The following MIPEP variants were observed in gnomAD, a reference collection of about 807,000 sequenced individuals.
MIPEP encodes the protein mitochondrial intermediate peptidase.
In MIPEP, 79 loss-of-function variants were observed where a neutral mutation model predicts 90.3. That is an observed-to-expected ratio of 0.87 (90% CI 0.73 to 1.05). The LOEUF is 1.05. Among genes scored for constraint, MIPEP ranks in the 50% least tolerant of loss-of-function variants. MIPEP has a pLI of 0.00. For missense variants in MIPEP, 940 were observed against 905.6 expected (o/e 1.04, Z -0.49); for synonymous variants, 334 against 315.8 (o/e 1.06, Z -0.61).
intron 16 of MIPEP, among the ~76,000 whole-genome samples, chr13:23,773,932 T>TA (rs889121762): frequency 4.6e-5 from 7 of 152,050 alleles, no homozygotes; most frequent in Non-Finnish European, 8.8e-5. Flanking sequence ...CCCATTAAAA[T>TA]AAAAAAAATC....
In MIPEP at chr13:23,782,487, C is replaced by T. The variant is rs1952791990; in HGVS notation, c.1849-22270G>A. The stretch of plus-strand genomic sequence containing the variant: ...AGAGGGAAATTTATACCACTAAATG[C>T]CCACAAGAGAAAGCAGGAAAGATCT... On this transcript the variant is annotated intron_variant, in intron 16 of 18. Transcript: ENST00000382172. Among the ~76,000 whole-genome samples the T allele has an allele frequency of 2.0e-5, 3 of 152,164 alleles. No homozygotes were observed. The South Asian group carries it at 6.2e-4, about 32-fold the overall frequency.
At chr13:23,859,487 T>C (rs1870195936) in intron 9 of MIPEP, among the ~76,000 whole-genome samples, 1 of 152,234 alleles carries the variant, frequency 6.6e-6, no homozygotes, top group Admixed American at 6.5e-5. Flanking sequence ...GCTTGAATAC[T>C]TGAATGACTG....
At chr13:23,835,483 C>CT (rs1024333103) in intron 14 of MIPEP, among the ~76,000 whole-genome samples, 6 of 151,854 alleles carry the variant, frequency 4.0e-5, no homozygotes, top group African/African-American at 4.8e-5. Flanking sequence ...TCTTTCAGTG[C>CT]TTTTTTTTGA....
At chr13:23,730,505 C>T (rs1358585079) in intron 18 of MIPEP, 60 bp from the exon 19 acceptor site, 5 of 1,125,738 alleles carry the variant, frequency 4.4e-6, no homozygotes, top group Non-Finnish European at 6.7e-6. Context: ...AGCACAAAGA[C>T]ACAAAATCAA....
At chr13:23,827,601 G>C (rs2137438228) in intron 14 of MIPEP, among the ~76,000 whole-genome samples, 1 of 152,276 alleles carries the variant, frequency 6.6e-6, no homozygotes, top group Middle Eastern at 3.4e-3. Flanking sequence ...GTGAACACCA[G>C]CAAATAATGA....
chr13:23,786,490 A>C (rs1191278208), intron 16 of MIPEP, among the ~76,000 whole-genome samples: 2 of 152,320 alleles, frequency 1.3e-5, no homozygotes, highest in African/African-American at 4.8e-5. Context: ...AAAATCATAA[A>C]AGATGAAAGA....
chr13:23,740,179 T>G (rs9507156), intron 18 of MIPEP, among the ~76,000 whole-genome samples: 28,257 of 152,146 alleles, frequency 0.19, 3,192 homozygotes, highest in East Asian at 0.42. Context: ...ACGTCAACAG[T>G]GTGCAGGCAG....
In MIPEP at chr13:23,858,956, T is replaced by C. The variant is rs1318032414; in HGVS notation, c.1054-44A>G. ...CTGTTAAGGAAAGCTACTGACTCTT[T>C]CATAGTTTTTATCAGCAACGTGGCC... is the stretch of plus-strand genomic sequence containing the variant. On this transcript the variant is annotated intron_variant, in intron 9 of 18. Coordinates refer to ENST00000382172, the MANE Select transcript of MIPEP (RefSeq NM_005932.4). 6 of 1,556,864 alleles carry C rather than the reference T, an allele frequency of 3.9e-6. No individual in the cohort carries two copies. The East Asian group carries it at 9.0e-5, about 23-fold the overall frequency.
At chr13:23,824,053 G>C (rs1362491045) in intron 14 of MIPEP, among the ~76,000 whole-genome samples, 1 of 152,148 alleles carries the variant, frequency 6.6e-6, no homozygotes, top group African/African-American at 2.4e-5. Context: ...AAAACAAATA[G>C]CTTTCCCATT....
chr13:23,845,948 A>G (rs2137471863), intron 10 of MIPEP, among the ~76,000 whole-genome samples: 1 of 149,416 alleles, frequency 6.7e-6, no homozygotes, highest in African/African-American at 2.5e-5. Flanking sequence ...AGACGGAGTC[A>G]TGCTCTATCA....
Position 23,835,024 on chromosome 13 carries a change from C to CTTTT in MIPEP, c.1653+1212_1653+1215dup, listed in dbSNP as rs57093490. Among the ~76,000 whole-genome samples the CTTTT allele has an allele frequency of 1.9e-4, 26 of 134,800 alleles. 1 individual carries two copies. The highest frequency in any genetic ancestry group is 6.1e-4 in the Admixed American group (8 of 13,178). The allele number at this position is 134,800 out of a possible 152,430, so 88.4% of individuals were successfully genotyped here. A position where few individuals can be genotyped will look rare whatever the true frequency, so the allele number is the denominator to read the frequency against. On this transcript the variant is annotated intron_variant, in intron 14 of 18. Coordinates refer to ENST00000382172, the MANE Select transcript of MIPEP (RefSeq NM_005932.4). ...CTTATCCAGAATATCATCCATTATTCTTTTTTTTTTTTTTTTTTAACAGTC... is the reference window on the plus strand; with the variant it reads ...CTTATCCAGAATATCATCCATTATTCTTTTTTTTTTTTTTTTTTTTTTAACAGTC...
chr13:23,759,901 G>A (rs900474610), intron 17 of MIPEP, among the ~76,000 whole-genome samples, 195 bp downstream of exon 17: 6 of 152,146 alleles, frequency 3.9e-5, no homozygotes, highest in African/African-American at 1.2e-4. Flanking sequence ...CAGGGCCACC[G>A]GTCAGCTGCG....
intron 15 of MIPEP, among the ~76,000 whole-genome samples, chr13:23,806,746 A>G (rs1953114371): frequency 6.6e-6 from 1 of 150,712 alleles, no homozygotes; most frequent in Non-Finnish European, 1.5e-5. Flanking sequence ...CTATCTATCT[A>G]TCTATCTATC....
intron 2 of MIPEP, among the ~76,000 whole-genome samples, chr13:23,885,120 A>G (rs1405996073): frequency 2.0e-5 from 3 of 152,266 alleles, no homozygotes; most frequent in Non-Finnish European, 4.4e-5. Context: ...CTATTCAGCC[A>G]TAAAAAAGAA....
chr13:23,863,064 A>G (rs1373123404), intron 8 of MIPEP, among the ~76,000 whole-genome samples: 1 of 152,264 alleles, frequency 6.6e-6, no homozygotes, highest in Admixed American at 6.5e-5. Flanking sequence ...CTAGAGAAGA[A>G]TGAGTTCTAA....
At chr13:23,759,888 G>A (rs1458363078) in intron 17 of MIPEP, among the ~76,000 whole-genome samples, 2 of 152,188 alleles carry the variant, frequency 1.3e-5, no homozygotes, top group East Asian at 3.9e-4. Context: ...GTAGGGGGAT[G>A]TCCAGGGCCA....
intron 15 of MIPEP, among the ~76,000 whole-genome samples, chr13:23,806,733 T>TATCTATCTATCTATC (rs1566000384): frequency 6.7e-6 from 1 of 148,572 alleles, no homozygotes; most frequent in African/African-American, 2.6e-5. Context: ...TCTATCTATC[T>TATCTATCTATCTATC]ATCTATCTAT....
At chr13:23,854,942 C>A (rs1456230050) in intron 10 of MIPEP, among the ~76,000 whole-genome samples, 3 of 151,308 alleles carry the variant, frequency 2.0e-5, no homozygotes, top group Admixed American at 2.0e-4. Flanking sequence ...AAAATAGCAC[C>A]AAAATAAATG....
At chr13:23,853,248 C>A (rs1869886843) in intron 10 of MIPEP, among the ~76,000 whole-genome samples, 1 of 152,142 alleles carries the variant, frequency 6.6e-6, no homozygotes, top group Non-Finnish European at 1.5e-5. Context: ...TTCACACTCA[C>A]CACCACTCAC....
Sources: allele counts gnomAD v4.1 joint callset (sites outside exome capture counted in the v4.1 genomes callset), GRCh38; gene constraint gnomAD v4.1.1; transcripts MANE v1.5; gene names NCBI Gene and HGNC (gene_info 2026-07-23, HGNC 2026-07-21).